The following FRAS1 variants were observed in gnomAD, a reference collection of about 807,000 sequenced individuals.
FRAS1 encodes Fraser extracellular matrix complex subunit 1, also known as extracellular matrix organizing protein FRAS1.
A neutral mutation model predicts 435.2 loss-of-function variants in FRAS1; 290 were observed. The ratio of observed to expected loss-of-function variants is 0.67; its 90% CI spans 0.61 to 0.73. FRAS1 has a LOEUF of 0.73. Among genes scored for constraint, FRAS1 ranks in the 30% least tolerant of loss-of-function variants. The probability of loss-of-function intolerance (pLI) is 0.00; values close to 1 mark genes in which losing one functional copy is unlikely to be tolerated. For missense variants in FRAS1, 4,860 were observed against 5,001.5 expected, an observed-to-expected ratio of 0.97 and a Z score of 0.85; for synonymous variants, 1,800 against 1,851.0, an observed-to-expected ratio of 0.97 and a Z score of 0.71.
At position 78,221,054 on chromosome 4, in the gene FRAS1, G is replaced by A. The variant is rs185691866; in HGVS notation, c.109-16456G>A. 4.3e-4 allele frequency among the ~76,000 whole-genome samples: 66 copies of A among 152,186 alleles called. 2 individuals carry two copies. The South Asian group carries it at 7.3e-3, about 17-fold the overall frequency. Reference sequence around the variant, plus strand: ...GTGGTGGTGTGCACCTGTAGTCTCAGCTACTTGGGAGGCTGAAGTGGGAGG... The same window carrying A: ...GTGGTGGTGTGCACCTGTAGTCTCAACTACTTGGGAGGCTGAAGTGGGAGG... On this transcript the variant is annotated intron_variant, in intron 2 of 73. Coordinates refer to ENST00000512123, the MANE Select transcript of FRAS1 (RefSeq NM_025074.7).
intron 2 of FRAS1, among the ~76,000 whole-genome samples, chr4:78,069,060 T>C (rs1740201448): frequency 1.3e-5 from 2 of 152,230 alleles, no homozygotes; most frequent in South Asian, 4.1e-4. Flanking sequence ...CAAAGGCTTC[T>C]AGTGTAAGAG....
intron 3 of FRAS1, among the ~76,000 whole-genome samples, chr4:78,243,370 C>A (rs1257679448): frequency 1.3e-5 from 2 of 151,944 alleles, no homozygotes; most frequent in Non-Finnish European, 2.9e-5. Flanking sequence ...TAATCTTGCC[C>A]CCAGCGATCT....
At chr4:78,299,900 C>T (rs1366439394) in intron 14 of FRAS1, among the ~76,000 whole-genome samples, 1 of 152,228 alleles carries the variant, frequency 6.6e-6, no homozygotes, top group Non-Finnish European at 1.5e-5. Context: ...TGCAGCAGAC[C>T]TCAGATAACC....
intron 31 of FRAS1, among the ~76,000 whole-genome samples, chr4:78,411,849 G>T (rs1733350588): frequency 6.6e-6 from 1 of 152,120 alleles, no homozygotes; most frequent in African/African-American, 2.4e-5. Flanking sequence ...TCAGTGGAAT[G>T]ATCATAAACC....
At chr4:78,512,242 G>A (rs1255811231) in intron 64 of FRAS1, among the ~76,000 whole-genome samples, 1 of 152,172 alleles carries the variant, frequency 6.6e-6, no homozygotes, top group Non-Finnish European at 1.5e-5. Flanking sequence ...TAGTATTTAA[G>A]TGTGTGCCTT....
At chr4:78,347,270 G>GT (rs1246843561) in intron 20 of FRAS1, among the ~76,000 whole-genome samples, 2 of 152,080 alleles carry the variant, frequency 1.3e-5, no homozygotes, top group African/African-American at 4.8e-5. Flanking sequence ...GCATATCTCT[G>GT]TTTCTGCTGC....
intron 2 of FRAS1, among the ~76,000 whole-genome samples, chr4:78,082,789 G>A (rs1036413664): frequency 6.2e-5 from 5 of 80,046 alleles, no homozygotes; most frequent in African/African-American, 1.6e-4. Context: ...TTAATGATCA[G>A]CTGAAAACTT....
chr4:78,534,623 G>C lies in FRAS1; in HGVS notation c.11092+8G>C. The C allele has an allele frequency of 3.7e-6, 6 of 1,611,300 alleles. No homozygotes were observed. Among genetic ancestry groups the C allele is most frequent in the Non-Finnish European group, 5.1e-6 (6 of 1,178,304 alleles). ...AAGGAGCCTTTTCAAAAGGTGAGTT[G>C]CTTCCTCCACCTGCAGAAAGAGGCT... On this transcript the variant is annotated splice_region_variant and intron_variant, in intron 71 of 73. Coordinates refer to ENST00000512123, the MANE Select transcript of FRAS1 (RefSeq NM_025074.7).
chr4:78,443,266 G>C (rs1156642156), intron 41 of FRAS1, among the ~76,000 whole-genome samples: 2 of 152,196 alleles, frequency 1.3e-5, no homozygotes. Flanking sequence ...GCTGAGGCAG[G>C]AGGATCAGTT....
intron 11 of FRAS1, among the ~76,000 whole-genome samples, chr4:78,281,915 C>T (rs1172517898): frequency 6.6e-6 from 1 of 152,180 alleles, no homozygotes; most frequent in East Asian, 1.9e-4. Flanking sequence ...AGCAATCTTA[C>T]AATAAGGGGT....
chr4:78,195,334 T>A (rs1010488830), intron 2 of FRAS1, among the ~76,000 whole-genome samples: 9 of 152,368 alleles, frequency 5.9e-5, no homozygotes, highest in Admixed American at 2.6e-4. Context: ...CAGAGGATTC[T>A]GCTGCCTTTT....
intron 41 of FRAS1, among the ~76,000 whole-genome samples, chr4:78,444,401 G>A (rs1718718620): frequency 1.3e-5 from 2 of 152,136 alleles, no homozygotes; most frequent in South Asian, 4.1e-4. Context: ...AAAAAATGGT[G>A]TTGAGCTCTT....
rs549763209 is a variant in FRAS1 at position 78,061,131 on chromosome 4, G to A, written c.76+3046G>A. Among the ~76,000 whole-genome samples the A allele has an allele frequency of 2.1e-3, 314 of 152,270 alleles. 2 individuals are homozygous for A. The highest frequency in any genetic ancestry group is 7.2e-3 in the African/African-American group (300 of 41,544). On this transcript the variant is annotated intron_variant, in intron 1 of 73. Transcript: ENST00000512123. The stretch of plus-strand genomic sequence containing the variant: ...TAAAGTGCTAGGATTACAGGTGTGA[G>A]CCACTGTGCCTGGCCTCTAAATTTT...
At chr4:78,477,256 A>C (rs954648930) in intron 54 of FRAS1, among the ~76,000 whole-genome samples, 2 of 152,184 alleles carry the variant, frequency 1.3e-5, no homozygotes, top group Admixed American at 6.5e-5. Flanking sequence ...ATAATATCTT[A>C]TGTTTGTTTG....
At chr4:78,096,066 T>C (rs538547963) in intron 2 of FRAS1, among the ~76,000 whole-genome samples, 1 of 152,192 alleles carries the variant, frequency 6.6e-6, no homozygotes, top group Non-Finnish European at 1.5e-5. Context: ...CTAGATACAA[T>C]GGAGTTACAG....
intron 18 of FRAS1, among the ~76,000 whole-genome samples, chr4:78,320,267 T>C (rs1729448948): frequency 6.6e-6 from 1 of 152,204 alleles, no homozygotes; most frequent in Non-Finnish European, 1.5e-5. Flanking sequence ...TTATAACCAC[T>C]TGTGGAATAT....
chr4:78,418,578 T>C (rs991677566), intron 32 of FRAS1, among the ~76,000 whole-genome samples: 23 of 152,150 alleles, frequency 1.5e-4, no homozygotes, highest in Admixed American at 1.5e-3. Context: ...AGAGACACAA[T>C]GAGCCAGCTG....
In FRAS1 at chr4:78,394,730, T is replaced by C. The variant is rs972205831; in HGVS notation, c.3976-6004T>C. ...ATGAATTTTAGGATTTGTTTTTCTG[T>C]TTCTGTGTAAAATGCCATTGGAATT... On this transcript the variant is annotated intron_variant, in intron 29 of 73. Transcript: ENST00000512123. Among the ~76,000 whole-genome samples, 4 of 152,042 alleles carry C rather than the reference T, an allele frequency of 2.6e-5. No homozygotes were observed. The South Asian group carries it at 8.3e-4, about 31-fold the overall frequency.
intron 3 of FRAS1, among the ~76,000 whole-genome samples, chr4:78,238,486 GTCTTT>G (rs1724854426): frequency 6.6e-6 from 1 of 151,644 alleles, no homozygotes; most frequent in Non-Finnish European, 1.5e-5. Flanking sequence ...TTAATCTTGA[GTCTTT>G]ATGCCATCTA....
Sources: gnomAD v4.1 joint callset for allele counts (sites outside exome capture counted in the v4.1 genomes callset) on GRCh38, gnomAD v4.1.1 for gene constraint, MANE v1.5 for transcripts, NCBI Gene and HGNC (gene_info 2026-07-23, HGNC 2026-07-21) for gene names.